ZNF143: variants seen among roughly 807,000 people sequenced by gnomAD.
ZNF143 encodes the protein SPH-binding factor.
ZNF143 carries 49 observed loss-of-function variants against 74.1 expected under a neutral mutation model. The ratio of observed to expected loss-of-function variants is 0.66; its 90% CI spans 0.53 to 0.84. The LOEUF is 0.84. Ranked by LOEUF, ZNF143 falls within the 40% of genes least tolerant of loss-of-function variation. The pLI is 0.00. For missense variants in ZNF143, 637 were observed against 793.4 expected (o/e 0.80, Z 2.37); for synonymous variants, 304 against 282.8 (o/e 1.07, Z -0.75).
Position 9,472,735 on chromosome 11 carries a change from T to C in ZNF143, c.171T>C (p.Asp57=). The stretch of plus-strand genomic sequence containing the variant: ...GCTTGCAAGCAGTAACACTTGCAGA[T>C]GGTTCTACTGCTTACATACAACACA... The part of the protein sequence containing the change: ...GVSLQAVTLA[D]GSTAYIQHNS... Residue 57 remains aspartate, a synonymous_variant, in exon 3 of 16, where the codon GAT becomes GAC. Coordinates refer to ENST00000396602, the MANE Select transcript of ZNF143 (RefSeq NM_003442.6). 1 of 1,599,812 alleles carries C rather than the reference T, an allele frequency of 6.3e-7. No individual in the cohort carries two copies. The highest frequency in any genetic ancestry group is 1.8e-5 in the Admixed American group (1 of 56,060).
Position 9,471,323 on chromosome 11 carries a change from A to T in ZNF143, c.15A>T (p.Gln5His). MLLA[Q>H]INRDSQGMTE... ...CAAGGTAGAAGATGTTGTTAGCCCA[A>T]ATAAATCGAGATTCTCAGGGAATGA... The change falls in exon 2 of 16, where the codon CAA becomes CAT. Residue 5 changes from glutamine (Q) to histidine (H), a missense_variant. Coordinates refer to ENST00000396602, the MANE Select transcript of ZNF143 (RefSeq NM_003442.6). 6.2e-7 allele frequency: 1 copy of T among 1,611,398 alleles called. No homozygotes were observed. The highest frequency in any genetic ancestry group is 1.3e-5 in the African/African-American group (1 of 74,856).
chr11:9,472,033 A>G (rs912271961), intron 2 of ZNF143, among the ~76,000 whole-genome samples: 17 of 149,678 alleles, frequency 1.1e-4, no homozygotes, highest in African/African-American at 4.2e-4. Context: ...GGCTTAAGAC[A>G]TCCTGTCACC....
intron 12 of ZNF143, 58 bp downstream of exon 12, chr11:9,508,904 A>G (rs1848450161): frequency 1.4e-6 from 2 of 1,474,830 alleles, no homozygotes; most frequent in South Asian, 1.2e-5. Context: ...AGTTATGAAC[A>G]TAATTTATGA....
In ZNF143 at chr11:9,523,245, A is replaced by G. The variant is rs77157602; in HGVS notation, c.1687-1995A>G. On this transcript the variant is annotated intron_variant, in intron 14 of 15. Coordinates refer to ENST00000396602, the MANE Select transcript of ZNF143 (RefSeq NM_003442.6). The stretch of plus-strand genomic sequence containing the variant: ...AAGGCAGGTCTGTTTCAGTGTTGCT[A>G]TAAGGTCTTAGGGTGAATATTTAGT... Among the ~76,000 whole-genome samples the G allele has an allele frequency of 4.2e-4, 64 of 151,974 alleles. No homozygotes were observed. The East Asian group carries it at 0.011, about 26-fold the overall frequency.
At position 9,461,142 on chromosome 11, in the gene ZNF143, G is replaced by C. The variant is rs978923194; in HGVS notation, c.-8+66G>C. ...TCCGCCTGGCCGCCGCCCTCAGCGC[G>C]GCGGCGCGGGCCCGCTTGGGCCCGG... On this transcript the variant is annotated intron_variant, in intron 1 of 15. Coordinates refer to ENST00000396602, the MANE Select transcript of ZNF143 (RefSeq NM_003442.6). The C allele has an allele frequency of 5.2e-6, 5 of 961,552 alleles. No individual in the cohort carries two copies. In the African/African-American group the frequency reaches 8.8e-5, roughly 17 times the overall value. 59.6% of individuals were successfully genotyped at this position (961,552 alleles called of 1,614,324 possible). A position where few individuals can be genotyped will look rare whatever the true frequency, so the allele number is the denominator to read the frequency against.
intron 15 of ZNF143, among the ~76,000 whole-genome samples, chr11:9,526,585 AT>A (rs35509156): frequency 0.056 from 8,242 of 147,284 alleles, 272 homozygotes; most frequent in Non-Finnish European, 0.077. Context: ...GCATGTATGA[AT>A]TTTTTTTTTT....
At chr11:9,468,605 C>T (rs1460946726) in intron 1 of ZNF143, among the ~76,000 whole-genome samples, 2 of 152,216 alleles carry the variant, frequency 1.3e-5, no homozygotes, top group African/African-American at 4.8e-5. Context: ...AACTCTATCT[C>T]ATTTGCTAGC....
chr11:9,461,482 C>A (rs1212509739), intron 1 of ZNF143, among the ~76,000 whole-genome samples: 1 of 152,152 alleles, frequency 6.6e-6, no homozygotes, highest in Non-Finnish European at 1.5e-5. Context: ...GGCAGAGTTC[C>A]GCCGCCTGGG....
At chr11:9,465,573 C>G (rs967559359) in intron 1 of ZNF143, among the ~76,000 whole-genome samples, 6 of 151,578 alleles carry the variant, frequency 4.0e-5, no homozygotes, top group Non-Finnish European at 5.9e-5. Flanking sequence ...GATCTCGGCT[C>G]TCTGCAAGCT....
At chr11:9,472,871 T>A in intron 3 of ZNF143, 102 bp downstream of exon 3, 1 of 704,116 alleles carries the variant, frequency 1.4e-6, no homozygotes, top group Middle Eastern at 2.6e-4. Context: ...CTCCTAAAGA[T>A]GCTGTATTGC....
intron 10 of ZNF143, among the ~76,000 whole-genome samples, chr11:9,500,398 A>T (rs971136467): frequency 1.3e-4 from 19 of 151,664 alleles, no homozygotes; most frequent in African/African-American, 4.4e-4. Context: ...GACACAGTTA[A>T]TATTAGGCAT....
chr11:9,468,556 C>A (rs141659840), intron 1 of ZNF143, among the ~76,000 whole-genome samples: 128 of 152,332 alleles, frequency 8.4e-4, no homozygotes, highest in Middle Eastern at 3.4e-3. Flanking sequence ...GAACTCTTTG[C>A]CCATACTTTA....
intron 7 of ZNF143, among the ~76,000 whole-genome samples, chr11:9,490,294 C>CTTTT (rs56672880): frequency 2.1e-4 from 20 of 93,998 alleles, no homozygotes; most frequent in Non-Finnish European, 3.0e-4. Context: ...TTTTTTTTTG[C>CTTTT]TTTTTTTTTT....
chr11:9,510,717 T>A (rs906344476), intron 12 of ZNF143, among the ~76,000 whole-genome samples: 1 of 151,272 alleles, frequency 6.6e-6, no homozygotes, highest in Non-Finnish European at 1.5e-5. Flanking sequence ...GCATATTATG[T>A]CCTTTGAGGG....
rs990444148 is a variant in ZNF143 at position 9,482,599 on chromosome 11, C to A, written c.645+3053C>A. Reference sequence around the variant, plus strand: ...AATCCCATTACTCTTTATCTGTAGACATATTACCATTTGGTATTGGTACCA... The same window carrying A: ...AATCCCATTACTCTTTATCTGTAGAAATATTACCATTTGGTATTGGTACCA... On this transcript the variant is annotated intron_variant, in intron 7 of 15. Transcript: ENST00000396602. Among the ~76,000 whole-genome samples the A allele has an allele frequency of 2.0e-5, 3 of 151,330 alleles. 1 individual carries two copies. The highest frequency in any genetic ancestry group is 7.3e-5 in the African/African-American group (3 of 40,818).
At position 9,508,732 on chromosome 11, in the gene ZNF143, C is replaced by T; in HGVS notation, c.1261C>T (p.His421Tyr). 1 of 1,613,800 alleles carries T rather than the reference C, an allele frequency of 6.2e-7. No individual in the cohort carries two copies. Among genetic ancestry groups the T allele is most frequent in the Non-Finnish European group, 8.5e-7 (1 of 1,179,936 alleles). ...HTHSKPYNCN[H>Y]CGKTYKQIST... is the part of the protein sequence containing the mutation. ...TCATTCCAAACCTTACAACTGTAAC[C>T]ACTGTGGGAAGACATACAAGCAGAT... is the stretch of plus-strand genomic sequence containing the variant. Residue 421 changes from histidine (H) to tyrosine (Y), a missense_variant, in exon 12 of 16, where the codon CAC (histidine) becomes TAC (tyrosine). Physicochemically the swap from His to Tyr is moderately conservative, Grantham distance 83. Around this residue, in one of 2 missense-constraint regions of ZNF143, gnomAD observed 344 missense variants for 485.6 expected, o/e 0.71. Transcript: ENST00000396602.
Position 9,512,482 on chromosome 11 carries a change from T to G in ZNF143, c.1410T>G (p.Ile470Met), listed in dbSNP as rs1164322736. 1.5e-5 allele frequency: 25 copies of G among 1,614,272 alleles called. No homozygotes were observed. Among genetic ancestry groups the G allele is most frequent in the Non-Finnish European group, 1.9e-5 (23 of 1,180,046 alleles). ...QGEDVLKGSQ[I>M]TYVTGVEGDD... ...AAGATGTTCTTAAAGGGTCCCAGAT[T>G]ACGTATGTTACAGGTGTAGAAGGGG... Residue 470 changes from isoleucine to methionine, a missense_variant, in exon 13 of 16, where the codon ATT becomes ATG. By Grantham distance (10) the Ile-to-Met change is conservative. Around this residue, in one of 2 missense-constraint regions of ZNF143, gnomAD observed 344 missense variants for 485.6 expected, o/e 0.71. Coordinates refer to ENST00000396602, the MANE Select transcript of ZNF143 (RefSeq NM_003442.6).
chr11:9,472,249 T>C (rs1856619487), intron 2 of ZNF143, among the ~76,000 whole-genome samples: 2 of 151,832 alleles, frequency 1.3e-5, no homozygotes, highest in Non-Finnish European at 2.9e-5. Flanking sequence ...AAGTGCTAAA[T>C]CTCACTTTTT....
chr11:9,468,028 A>G (rs1215389180), intron 1 of ZNF143, among the ~76,000 whole-genome samples: 2 of 152,168 alleles, frequency 1.3e-5, no homozygotes, highest in African/African-American at 4.8e-5. Context: ...ATTTTGAAAT[A>G]ACATGCTTTT....
Sources: gnomAD v4.1 joint callset for allele counts (sites outside exome capture counted in the v4.1 genomes callset) on GRCh38, gnomAD v4.1.1 for gene constraint, gnomAD v4.1.1 regional missense constraint, MANE v1.5 for transcripts, NCBI Gene and HGNC (gene_info 2026-07-23, HGNC 2026-07-21) for gene names.